Variants in C8orf34 observed in about 807,000 individuals in gnomAD.
The protein encoded by C8orf34 is uncharacterized protein C8orf34.
In C8orf34, 65 loss-of-function variants were observed where a neutral mutation model predicts 68.3. That is an observed-to-expected ratio of 0.95 (90% CI 0.78 to 1.17). The LOEUF is 1.17. Ranked by LOEUF, C8orf34 falls within the 50% of genes most tolerant of loss-of-function variation. The probability of loss-of-function intolerance (pLI) is 0.00; values close to 1 mark genes in which losing one functional copy is unlikely to be tolerated. For missense variants in C8orf34, 664 were observed against 655.4 expected, an observed-to-expected ratio of 1.01 and a Z score of -0.14; for synonymous variants, 244 against 241.2, an observed-to-expected ratio of 1.01 and a Z score of -0.11.
chr8:68,616,256 A>G (rs1172592659), intron 7 of C8orf34, among the ~76,000 whole-genome samples: 1 of 151,990 alleles, frequency 6.6e-6, no homozygotes, highest in Non-Finnish European at 1.5e-5. Flanking sequence ...TGGATTCATT[A>G]ATTTTTTGAA....
At chr8:68,534,861 G>A in intron 7 of C8orf34, 14 of 985,320 alleles carry the variant, frequency 1.4e-5, no homozygotes, top group Non-Finnish European at 1.6e-5. Context: ...TGAAGACCGA[G>A]GATTGAGTCT....
At chr8:68,578,597 A>C (rs1816973478) in intron 7 of C8orf34, among the ~76,000 whole-genome samples, 1 of 151,424 alleles carries the variant, frequency 6.6e-6, no homozygotes, top group African/African-American at 2.4e-5. Context: ...CAATTACAGC[A>C]AAATATTTAG....
At chr8:68,756,086 C>CA (rs11393381) in intron 10 of C8orf34, among the ~76,000 whole-genome samples, 79,654 of 145,594 alleles carry the variant, frequency 0.55, 22,118 homozygotes, top group African/African-American at 0.7. Flanking sequence ...AACAAAAAAA[C>CA]AAAAAAAAAA....
intron 10 of C8orf34, among the ~76,000 whole-genome samples, chr8:68,756,997 A>G (rs1365297330): frequency 1.3e-5 from 2 of 152,228 alleles, no homozygotes; most frequent in Non-Finnish European, 2.9e-5. Context: ...TATACTATTC[A>G]TGAATTAAAA....
At chr8:68,431,363 T>C (rs930336526) in intron 1 of C8orf34, among the ~76,000 whole-genome samples, 5 of 152,222 alleles carry the variant, frequency 3.3e-5, no homozygotes, top group Non-Finnish European at 4.4e-5. Context: ...GGAACTTCTA[T>C]ATACATCTGC....
At chr8:68,526,740 A>C (rs1490529858) in intron 6 of C8orf34, among the ~76,000 whole-genome samples, 1 of 152,080 alleles carries the variant, frequency 6.6e-6, no homozygotes, top group African/African-American at 2.4e-5. Flanking sequence ...GGGTGAACTC[A>C]ACAAGCTTAG....
At chr8:68,634,170 T>A (rs1251936574) in intron 7 of C8orf34, among the ~76,000 whole-genome samples, 1 of 152,218 alleles carries the variant, frequency 6.6e-6, no homozygotes, top group Non-Finnish European at 1.5e-5. Context: ...CTGTCTCAAT[T>A]TTTTTGTCCT....
intron 7 of C8orf34, among the ~76,000 whole-genome samples, chr8:68,539,467 C>T (rs1298678945): frequency 2.0e-5 from 3 of 152,170 alleles, no homozygotes; most frequent in Non-Finnish European, 4.4e-5. Context: ...TATTAAAAAT[C>T]AAATGTATAA....
intron 4 of C8orf34, among the ~76,000 whole-genome samples, chr8:68,475,291 T>G (rs527414077): frequency 5.5e-4 from 84 of 152,338 alleles, no homozygotes; most frequent in Non-Finnish European, 8.5e-4. Flanking sequence ...CTCTTTGTGC[T>G]TCTATACTTT....
chr8:68,636,520 G>A (rs960201824), intron 7 of C8orf34, among the ~76,000 whole-genome samples: 28 of 152,176 alleles, frequency 1.8e-4, no homozygotes, highest in Admixed American at 5.2e-4. Flanking sequence ...GGGAGGAGGA[G>A]GTTGCAGTGA....
chr8:68,620,400 G>A (rs1032533172), intron 7 of C8orf34, among the ~76,000 whole-genome samples: 4 of 152,124 alleles, frequency 2.6e-5, no homozygotes, highest in Admixed American at 1.3e-4. Flanking sequence ...AGAGGGATGC[G>A]TACCAGGCTC....
intron 11 of C8orf34, among the ~76,000 whole-genome samples, chr8:68,784,802 A>ATGTGTATG (rs1823796196): frequency 2.1e-5 from 3 of 144,400 alleles, no homozygotes; most frequent in Non-Finnish European, 4.6e-5. Context: ...ATGTGTGTGT[A>ATGTGTATG]TGTGTGTGTG....
intron 4 of C8orf34, among the ~76,000 whole-genome samples, chr8:68,485,035 G>T (rs1813016166): frequency 6.6e-6 from 1 of 152,194 alleles, no homozygotes; most frequent in African/African-American, 2.4e-5. Context: ...TAGCTAGTTT[G>T]AGTTGTATTC....
chr8:68,401,890 C>T lies in C8orf34; in HGVS notation c.328-37609C>T, dbSNP rs1381611796. The stretch of plus-strand genomic sequence containing the variant: ...GTGTGTGTGTGTGTGTGTGTGTGTT[C>T]GTATCTGGTTTTGGTGCCAGGGTGA... On this transcript the variant is annotated intron_variant, in intron 1 of 13. Transcript: ENST00000518698. 8.7e-5 allele frequency among the ~76,000 whole-genome samples: 10 copies of T among 115,460 alleles called. No homozygotes were observed. In the South Asian group the frequency reaches 1.1e-3, roughly 13 times the overall value. 75.7% of individuals were successfully genotyped at this position (115,460 alleles called of 152,430 possible). A position where few individuals can be genotyped will look rare whatever the true frequency, so the allele number is the denominator to read the frequency against.
chr8:68,644,944 C>A (rs139340138), intron 8 of C8orf34, among the ~76,000 whole-genome samples: 71 of 152,308 alleles, frequency 4.7e-4, no homozygotes, highest in African/African-American at 1.6e-3. Context: ...ATTCATAGAG[C>A]AAAACCATAC....
chr8:68,556,142 C>T (rs1436750325), intron 7 of C8orf34, among the ~76,000 whole-genome samples: 1 of 151,048 alleles, frequency 6.6e-6, no homozygotes, highest in Non-Finnish European at 1.5e-5. Context: ...TGTATGTCAC[C>T]TCATTTTTGA....
intron 9 of C8orf34, among the ~76,000 whole-genome samples, chr8:68,710,067 C>G (rs376869942): frequency 1.3e-5 from 2 of 152,094 alleles, no homozygotes; most frequent in Admixed American, 1.3e-4. Flanking sequence ...TTAAAAACTC[C>G]TGTTTATCAA....
chr8:68,675,119 C>T (rs916580884), intron 8 of C8orf34, among the ~76,000 whole-genome samples: 2 of 152,242 alleles, frequency 1.3e-5, no homozygotes, highest in South Asian at 2.1e-4. Flanking sequence ...TGAAAGATTT[C>T]ATCAACACCA....
At chr8:68,669,455 C>A (rs1053171236) in intron 8 of C8orf34, among the ~76,000 whole-genome samples, 5 of 152,158 alleles carry the variant, frequency 3.3e-5, no homozygotes, top group Non-Finnish European at 7.4e-5. Context: ...TTTATGTACC[C>A]ATTTACTTAT....
Sources: allele counts gnomAD v4.1 joint callset (sites outside exome capture counted in the v4.1 genomes callset), GRCh38; gene constraint gnomAD v4.1.1; transcripts MANE v1.5; gene names NCBI Gene and HGNC (gene_info 2026-07-23, HGNC 2026-07-21).